The following RBM25 variants were observed in gnomAD, a reference collection of about 807,000 sequenced individuals.
RBM25 encodes the protein RNA-binding protein 25.
RBM25 carries 19 observed loss-of-function variants against 120.7 expected under a neutral mutation model. The observed-to-expected ratio is 0.16, with a 90% CI of 0.11 to 0.23. The LOEUF (loss-of-function observed/expected upper bound fraction) is 0.23, where lower values mean the gene tolerates loss of function less well. Ranked by LOEUF, RBM25 falls within the 10% of genes least tolerant of loss-of-function variation. RBM25 has a pLI of 1.00. For synonymous variants in RBM25, 390 were observed against 326.7 expected (o/e 1.19, Z -2.09); for missense variants, 605 against 1,041.5 (o/e 0.58, Z 5.77).
rs532722623 is a variant in RBM25, at chr14:73,063,360, AGGAT to A, written c.-16+4658_-16+4661del. Among the ~76,000 whole-genome samples, 385 of 151,232 alleles carry A rather than the reference AGGAT, an allele frequency of 2.5e-3. 19 individuals carry two copies. Among genetic ancestry groups the A allele is most frequent in the Non-Finnish European group, 4.6e-3 (313 of 67,442 alleles). On this transcript the variant is annotated intron_variant, in intron 1 of 18. Coordinates refer to ENST00000261973, the MANE Select transcript of RBM25 (RefSeq NM_021239.3). The stretch of plus-strand genomic sequence containing the variant: ...GAGACGAGATTTCACTGTGTTAGCC[AGGAT>A]GGTCTCGATCTCCTGACTTCGTGAT...
At chr14:73,104,295 A>T (rs1008390052) in intron 10 of RBM25, among the ~76,000 whole-genome samples, 2 of 149,260 alleles carry the variant, frequency 1.3e-5, no homozygotes, top group East Asian at 3.9e-4. Flanking sequence ...TTTACTATCT[A>T]CCTCTACCTC....
intron 4 of RBM25, among the ~76,000 whole-genome samples, chr14:73,083,107 C>A (rs1312443063): frequency 6.6e-6 from 1 of 152,004 alleles, no homozygotes; most frequent in Admixed American, 6.6e-5. Flanking sequence ...TTTATAAATA[C>A]ATACATATTG....
chr14:73,093,955 T>G (rs989835883), intron 6 of RBM25, among the ~76,000 whole-genome samples: 13 of 148,096 alleles, frequency 8.8e-5, no homozygotes, highest in Admixed American at 3.3e-4. Context: ...TTTGTTTTTT[T>G]TTTTTTTTTT....
chr14:73,077,249 A>T (rs1409432491), intron 3 of RBM25, 120 bp from the exon 4 acceptor site: 1 of 841,330 alleles, frequency 1.2e-6, no homozygotes, highest in African/African-American at 1.8e-5. Context: ...GTATACAAGC[A>T]TGCAGAGCTT....
At chr14:73,059,036 A>G (rs1054015935) in intron 1 of RBM25, among the ~76,000 whole-genome samples, 4 of 152,060 alleles carry the variant, frequency 2.6e-5, no homozygotes, top group African/African-American at 9.7e-5. Flanking sequence ...GTTAGATACA[A>G]AACGATCGAT....
chr14:73,104,834 C>CTGGAGGGAGTTCCACTT (rs1896145997), intron 10 of RBM25, among the ~76,000 whole-genome samples: 1 of 152,072 alleles, frequency 6.6e-6, no homozygotes, highest in South Asian at 2.1e-4. Flanking sequence ...TTGATTATGG[C>CTGGAGGGAGTTCCACTT]TGGAGGGAGT....
chr14:73,103,746 GT>G (rs1157098149), intron 10 of RBM25, among the ~76,000 whole-genome samples: 1 of 151,916 alleles, frequency 6.6e-6, no homozygotes, highest in African/African-American at 2.4e-5. Context: ...TAGAGATGGG[GT>G]TTTGCCATGT....
At chr14:73,081,948 C>G (rs771053308) in intron 4 of RBM25, among the ~76,000 whole-genome samples, 4 of 152,036 alleles carry the variant, frequency 2.6e-5, no homozygotes, top group Admixed American at 1.3e-4. Context: ...TCTTATTTTT[C>G]TTATATCATT....
intron 2 of RBM25, among the ~76,000 whole-genome samples, chr14:73,072,618 A>AATCC (rs144640626): frequency 0.069 from 10,563 of 152,220 alleles, 531 homozygotes; most frequent in South Asian, 0.19. Context: ...AAGCATGGAG[A>AATCC]ATCCACATTT....
chr14:73,086,818 C>T (rs1047283145), intron 5 of RBM25, among the ~76,000 whole-genome samples: 2 of 152,180 alleles, frequency 1.3e-5, no homozygotes, highest in Non-Finnish European at 2.9e-5. Flanking sequence ...AATTCTCCTT[C>T]CTTAGCCTCC....
intron 4 of RBM25, 86 bp from the exon 5 acceptor site, chr14:73,083,408 T>C (rs1250401631): frequency 2.8e-6 from 3 of 1,052,776 alleles, no homozygotes; most frequent in South Asian, 1.7e-5. Context: ...TTTTTATCCC[T>C]AGTAGAAATA....
chr14:73,061,389 T>A (rs551939980), intron 1 of RBM25, among the ~76,000 whole-genome samples: 1 of 151,330 alleles, frequency 6.6e-6, no homozygotes, highest in Non-Finnish European at 1.5e-5. Context: ...CTATATGAAC[T>A]ATATTGACAT....
At position 73,119,705 on chromosome 14, in the gene RBM25, C is replaced by T. The variant is rs767246632; in HGVS notation, c.2440-8C>T. The T allele has an allele frequency of 6.2e-7, 1 of 1,610,780 alleles. No individual in the cohort carries two copies. Among genetic ancestry groups the T allele is most frequent in the Non-Finnish European group, 8.5e-7 (1 of 1,179,092 alleles). ...CTTACATGTGTTGCTGTTTTGTTTC[C>T]TCTTTAGGTACTTGATGAAGAAGCA... On this transcript the variant is annotated splice_region_variant and splice_polypyrimidine_tract_variant and intron_variant, in intron 18 of 18. Coordinates refer to ENST00000261973, the MANE Select transcript of RBM25 (RefSeq NM_021239.3).
At chr14:73,088,848 A>G (rs1036516402) in intron 6 of RBM25, among the ~76,000 whole-genome samples, 4 of 152,214 alleles carry the variant, frequency 2.6e-5, no homozygotes, top group African/African-American at 9.6e-5. Context: ...TTCAAAATAG[A>G]AATCGCTTTT....
At chr14:73,079,304 T>C (rs553933270) in intron 4 of RBM25, among the ~76,000 whole-genome samples, 28 of 150,624 alleles carry the variant, frequency 1.9e-4, no homozygotes, top group African/African-American at 6.3e-4. Context: ...GTGCCTGCAA[T>C]CCCAACTACG....
intron 1 of RBM25, among the ~76,000 whole-genome samples, chr14:73,069,300 A>G (rs1205824584): frequency 6.6e-6 from 1 of 152,264 alleles, no homozygotes; most frequent in Admixed American, 6.5e-5. Context: ...AAAAATTATT[A>G]GTTCATAGAA....
At chr14:73,085,309 G>A (rs139756261) in intron 5 of RBM25, among the ~76,000 whole-genome samples, 6,932 of 135,874 alleles carry the variant, frequency 0.051, 426 homozygotes, top group African/African-American at 0.097. Context: ...GAGCCACCGC[G>A]CCCGGCCTCA....
intron 6 of RBM25, among the ~76,000 whole-genome samples, chr14:73,090,843 C>T (rs2333029): frequency 1.3e-5 from 2 of 152,140 alleles, no homozygotes; most frequent in South Asian, 4.1e-4. Context: ...TGTTAATAGA[C>T]GCTTATCTGT....
intron 5 of RBM25, among the ~76,000 whole-genome samples, chr14:73,087,481 C>G (rs928614419): frequency 6.6e-6 from 1 of 151,850 alleles, no homozygotes; most frequent in Non-Finnish European, 1.5e-5. Flanking sequence ...CTGCAACCTC[C>G]GCCTCCTGGG....
Sources: allele counts gnomAD v4.1 joint callset (sites outside exome capture counted in the v4.1 genomes callset), GRCh38; gene constraint gnomAD v4.1.1; transcripts MANE v1.5; gene names NCBI Gene and HGNC (gene_info 2026-07-23, HGNC 2026-07-21).